USP45: variants seen among roughly 807,000 people sequenced by gnomAD.
USP45 encodes the protein ubiquitin specific peptidase 45.
USP45 carries 89 observed loss-of-function variants against 95.8 expected under a neutral mutation model. That is an observed-to-expected ratio of 0.93 (90% confidence interval 0.78 to 1.11). USP45 has a LOEUF of 1.11. USP45 is among the 50% of genes least tolerant of loss of function. The probability of loss-of-function intolerance (pLI) is 0.00; values close to 1 mark genes in which losing one functional copy is unlikely to be tolerated. For synonymous variants in USP45, 281 were observed against 316.2 expected, an observed-to-expected ratio of 0.89 and a Z score of 1.18; for missense variants, 898 against 942.5, an observed-to-expected ratio of 0.95 and a Z score of 0.62.
chr6:99,478,220 GTTTTTTTTTTTTTT>G (rs71021740), intron 8 of USP45, among the ~76,000 whole-genome samples: 4 of 99,454 alleles, frequency 4.0e-5, no homozygotes, highest in African/African-American at 1.5e-4. Flanking sequence ...ACTTAGATTT[GTTTTTTTTTTTTTT>G]TTTTTTTTTT....
At chr6:99,499,392 A>G (rs1796944381) in intron 5 of USP45, among the ~76,000 whole-genome samples, 1 of 152,202 alleles carries the variant, frequency 6.6e-6, no homozygotes, top group African/African-American at 2.4e-5. Flanking sequence ...ACAAACCTCA[A>G]TAAAAACTTT....
chr6:99,463,110 T>C (rs1289653063), intron 13 of USP45, among the ~76,000 whole-genome samples: 3 of 152,178 alleles, frequency 2.0e-5, no homozygotes, highest in African/African-American at 7.2e-5. Context: ...TTTCTTTCCA[T>C]TTTCATGGGA....
intron 8 of USP45, among the ~76,000 whole-genome samples, chr6:99,481,136 G>T (rs192719414): frequency 1.3e-5 from 2 of 152,204 alleles, no homozygotes; most frequent in Admixed American, 1.3e-4. Flanking sequence ...AATAATGTTT[G>T]ATCTAGTTAT....
chr6:99,462,136 C>G (rs1188598749), intron 13 of USP45: 2 of 982,900 alleles, frequency 2.0e-6, no homozygotes, highest in East Asian at 2.3e-4. Flanking sequence ...AAAGGTAACT[C>G]TATTACATGA....
At chr6:99,452,791 T>C (rs540886662) in intron 13 of USP45, among the ~76,000 whole-genome samples, 126 of 152,226 alleles carry the variant, frequency 8.3e-4, no homozygotes, top group African/African-American at 3.0e-3. Flanking sequence ...TGTCCATCAA[T>C]GATAGACTGG....
At chr6:99,473,159 T>G (rs543439141) in intron 9 of USP45, among the ~76,000 whole-genome samples, 8 of 152,042 alleles carry the variant, frequency 5.3e-5, no homozygotes, top group Admixed American at 5.2e-4. Flanking sequence ...GTATAACATA[T>G]AAGAATAATT....
At chr6:99,440,692 C>T (rs1292363056) in intron 15 of USP45, among the ~76,000 whole-genome samples, 1 of 152,098 alleles carries the variant, frequency 6.6e-6, no homozygotes, top group African/African-American at 2.4e-5. Flanking sequence ...AACAAAAAAC[C>T]CTTTTTTTTT....
chr6:99,482,696 G>T, intron 8 of USP45, 57 bp downstream of exon 8: 1 of 1,470,852 alleles, frequency 6.8e-7, no homozygotes, highest in Non-Finnish European at 9.1e-7. Flanking sequence ...GTTAAATGAT[G>T]AATACATTAG....
Position 99,464,619 on chromosome 6 carries a change from A to C in USP45, c.1293T>G (p.Ser431=), listed in dbSNP as rs1787440013. 18 of 1,612,078 alleles carry C rather than the reference A, an allele frequency of 1.1e-5. No homozygotes were observed. The highest frequency in any genetic ancestry group is 1.4e-5 in the Non-Finnish European group (16 of 1,179,490). Residue 431 remains serine (S), a synonymous_variant, in exon 13 of 18, where the codon TCT becomes TCG. Transcript: ENST00000500704. ...IHQPRAAKKH[S]SSKDKSQLIH... ...ATGGTCTTACCTTATCTTTAGATGA[A>C]GAATGCTTCTTGGCAGCTCTAGGTT...
intron 3 of USP45, 78 bp from the exon 4 acceptor site, chr6:99,507,609 C>T (rs1218856628): frequency 5.2e-6 from 5 of 958,296 alleles, no homozygotes; most frequent in Non-Finnish European, 8.0e-6. Flanking sequence ...ATTATACTCA[C>T]ACTTATACTG....
chr6:99,463,402 C>T (rs1276905061), intron 13 of USP45, among the ~76,000 whole-genome samples: 1 of 152,006 alleles, frequency 6.6e-6, no homozygotes, highest in Non-Finnish European at 1.5e-5. Context: ...CCTAACTAGG[C>T]CTCTAGATCT....
intron 5 of USP45, among the ~76,000 whole-genome samples, chr6:99,493,495 T>C (rs186864759): frequency 3.2e-4 from 49 of 152,170 alleles, no homozygotes; most frequent in Middle Eastern, 6.8e-3. Flanking sequence ...CAGGTATGTA[T>C]GTATGTATGT....
intron 9 of USP45, among the ~76,000 whole-genome samples, chr6:99,473,348 T>A (rs1789926037): frequency 6.6e-6 from 1 of 151,486 alleles, no homozygotes; most frequent in Admixed American, 6.6e-5. Flanking sequence ...GAAACAAGCC[T>A]GGCCAAAGTG....
intron 13 of USP45, among the ~76,000 whole-genome samples, chr6:99,463,480 C>T (rs1787032210): frequency 6.6e-6 from 1 of 151,926 alleles, no homozygotes; most frequent in Admixed American, 6.6e-5. Flanking sequence ...AAAAAAAGGA[C>T]CTGATTTCTT....
intron 8 of USP45, among the ~76,000 whole-genome samples, chr6:99,479,601 C>CAAAAAAAAAAAAAAA: frequency 8.5e-6 from 1 of 117,072 alleles, no homozygotes; most frequent in Non-Finnish European, 1.7e-5. Context: ...TTCCAACAGA[C>CAAAAAAAAAAAAAAA]AAAAAAAAAA....
rs61761591 is a variant in USP45 at position 99,446,366 on chromosome 6, G to C, written c.1406C>G (p.Ser469Cys). The change falls in exon 14 of 18, where the codon TCT (serine) becomes TGT (cysteine). Residue 469 changes from serine to cysteine, a missense_variant. Coordinates refer to ENST00000500704, the MANE Select transcript of USP45 (RefSeq NM_001346022.3). ...ATTCATGAGGCTGGCAAACATTAAAGAATCCCCATTCATTTCAAGGTTTTC... is the reference window on the plus strand; with the variant it reads ...ATTCATGAGGCTGGCAAACATTAAACAATCCCCATTCATTTCAAGGTTTTC... ...KNENLEMNGD[S>C]LMFASLMNSE... is the part of the protein sequence containing the mutation. 86 of 1,614,038 alleles carry C rather than the reference G, an allele frequency of 5.3e-5. No individual in the cohort carries two copies. The highest frequency in any genetic ancestry group is 6.9e-5 in the Non-Finnish European group (82 of 1,180,026).
chr6:99,496,445 C>T (rs909868094), intron 5 of USP45, among the ~76,000 whole-genome samples: 1 of 151,602 alleles, frequency 6.6e-6, no homozygotes. Context: ...TTCATAAAAC[C>T]CACATAATTC....
At chr6:99,439,292 A>G (rs1051004198) in intron 16 of USP45, among the ~76,000 whole-genome samples, 1 of 152,226 alleles carries the variant, frequency 6.6e-6, no homozygotes, top group Middle Eastern at 3.2e-3. Context: ...TTCTGTACCT[A>G]ATTATTAAAG....
intron 13 of USP45, among the ~76,000 whole-genome samples, chr6:99,450,517 G>A (rs555735976): frequency 8.5e-5 from 13 of 152,248 alleles, no homozygotes; most frequent in Non-Finnish European, 1.3e-4. Context: ...ATCAATAACA[G>A]GCTCTGAAAT....
Sources: gnomAD v4.1 joint callset for allele counts (sites outside exome capture counted in the v4.1 genomes callset) on GRCh38, gnomAD v4.1.1 for gene constraint, MANE v1.5 for transcripts, NCBI Gene and HGNC (gene_info 2026-07-23, HGNC 2026-07-21) for gene names.